WT1: variants seen among roughly 807,000 people sequenced by gnomAD.
WT1 encodes the protein Wilms tumor protein.
WT1 carries 8 observed loss-of-function variants against 60.8 expected under a neutral mutation model. The observed-to-expected ratio is 0.13, with a 90% CI of 0.08 to 0.24. The LOEUF (loss-of-function observed/expected upper bound fraction) is 0.24. Ranked by LOEUF, WT1 falls within the 10% of genes least tolerant of loss-of-function variation. The pLI is 1.00. For missense variants in WT1, 568 were observed against 711.8 expected (o/e 0.80, Z 2.30); for synonymous variants, 312 against 297.1 (o/e 1.05, Z -0.52).
rs2133036645 is a variant in WT1, at chr11:32,417,578, C to T, written c.964G>A (p.Gly322Arg). 6.2e-7 allele frequency: 1 copy of T among 1,613,586 alleles called. No homozygotes were observed. The change falls in exon 4 of 10, where the codon GGA (glycine) becomes AGA (arginine). Residue 322 changes from glycine to arginine, a missense_variant and splice_region_variant. By Grantham distance (125) the Gly-to-Arg change is moderately radical. This residue lies in a region of WT1 where 523 missense variants were observed against 565.1 expected (regional missense o/e 0.93). Coordinates refer to ENST00000452863, the MANE Select transcript of WT1 (RefSeq NM_024426.6). ...GCAATGGAATAGAGAAAACCTTACC[C>T]CTTTAAGGTGGCTCCTAAGTTCATC...
At chr11:32,410,825 C>A (rs1479221036) in intron 5 of WT1, among the ~76,000 whole-genome samples, 1 of 152,216 alleles carries the variant, frequency 6.6e-6, no homozygotes, top group African/African-American at 2.4e-5. Flanking sequence ...AAAACTCCTA[C>A]TAAAATATGC....
rs201252389 is a variant in WT1 at position 32,428,704 on chromosome 11, G to GC, written c.662-86_662-85insG. The GC allele has an allele frequency of 3.2e-6, 5 of 1,552,640 alleles. No homozygotes were observed. In the South Asian group the frequency reaches 3.5e-5, roughly 11 times the overall value. The stretch of plus-strand genomic sequence containing the variant: ...GGTCTGAACCAGCCACGGGCGGGGG[G>GC]GGTGTGCGCTGAACCCCGCATTCGG... On this transcript the variant is annotated intron_variant, in intron 1 of 9. Coordinates refer to ENST00000452863, the MANE Select transcript of WT1 (RefSeq NM_024426.6).
intron 1 of WT1, chr11:32,430,460 G>GACAGACAC: frequency 1.6e-6 from 1 of 631,182 alleles, no homozygotes; most frequent in Non-Finnish European, 2.2e-6. Flanking sequence ...GGGAGGGAGA[G>GACAGACAC]AGAGAGAGAG....
intron 1 of WT1, among the ~76,000 whole-genome samples, chr11:32,429,358 A>G (rs529535339): frequency 3.3e-5 from 5 of 151,778 alleles, no homozygotes; most frequent in South Asian, 4.2e-4. Flanking sequence ...CCCAGGCTGG[A>G]CAACCAATTT....
chr11:32,402,992 A>G (rs1297534197), intron 5 of WT1, among the ~76,000 whole-genome samples: 1 of 152,208 alleles, frequency 6.6e-6, no homozygotes, highest in African/African-American at 2.4e-5. Flanking sequence ...GGGCATGGGA[A>G]CAGACTTTCC....
intron 5 of WT1, among the ~76,000 whole-genome samples, chr11:32,406,702 G>A (rs1306638305): frequency 1.3e-5 from 2 of 152,174 alleles, no homozygotes; most frequent in East Asian, 1.9e-4. Flanking sequence ...GCACTTTGGC[G>A]CTTCACTTCT....
Position 32,434,711 on chromosome 11 carries a change from A to C in WT1, c.650T>G (p.Ile217Ser), listed in dbSNP as rs1853431800. 6.2e-7 allele frequency: 1 copy of C among 1,612,850 alleles called. No individual in the cohort carries two copies. The highest frequency in any genetic ancestry group is 8.5e-7 in the Non-Finnish European group (1 of 1,179,954). Residue 217 changes from isoleucine to serine, a missense_variant, in exon 1 of 10, where the codon ATT (isoleucine) becomes AGT (serine). This residue lies in a region of WT1 where 523 missense variants were observed against 565.1 expected (regional missense o/e 0.93). Coordinates refer to ENST00000452863, the MANE Select transcript of WT1 (RefSeq NM_024426.6). ...CCCGGCCTACTTACCCTGATTGCGA[A>C]TAGCGGGCTGGCTCTCGAGGCAGCT...
intron 1 of WT1, chr11:32,430,686 C>A: frequency 7.0e-7 from 1 of 1,425,384 alleles, no homozygotes. Context: ...GAACTCGGGC[C>A]CAAGGATGCC....
intron 7 of WT1, among the ~76,000 whole-genome samples, chr11:32,395,930 T>G (rs902478364): frequency 6.6e-6 from 1 of 152,132 alleles, no homozygotes; most frequent in Non-Finnish European, 1.5e-5. Flanking sequence ...ATGACTATAT[T>G]CCCAGGCCAG....
At chr11:32,415,654 A>G (rs917953050) in intron 5 of WT1, among the ~76,000 whole-genome samples, 2 of 152,218 alleles carry the variant, frequency 1.3e-5, no homozygotes, top group Non-Finnish European at 2.9e-5. Context: ...TCTCAAAAAG[A>G]AAAGAGAATG....
intron 9 of WT1, among the ~76,000 whole-genome samples, chr11:32,390,850 A>G (rs997650603): frequency 1.3e-5 from 2 of 152,232 alleles, no homozygotes; most frequent in African/African-American, 2.4e-5. Context: ...GTGGGCTGGA[A>G]GCAGACAGAA....
chr11:32,408,839 C>A (rs1323552507), intron 5 of WT1, among the ~76,000 whole-genome samples: 2 of 152,112 alleles, frequency 1.3e-5, no homozygotes, highest in East Asian at 3.9e-4. Flanking sequence ...TACAACAAAA[C>A]AATAAACCTC....
intron 1 of WT1, among the ~76,000 whole-genome samples, chr11:32,432,368 A>G (rs1332640246): frequency 3.3e-5 from 5 of 152,218 alleles, no homozygotes; most frequent in Admixed American, 3.3e-4. Context: ...CTGGGGAAGC[A>G]GCAGGAACCC....
chr11:32,402,590 G>A (rs561940248), intron 5 of WT1, among the ~76,000 whole-genome samples: 2 of 152,334 alleles, frequency 1.3e-5, no homozygotes, highest in East Asian at 3.9e-4. Context: ...CTATTGCCCA[G>A]GCTGGAATGT....
intron 5 of WT1, among the ~76,000 whole-genome samples, chr11:32,403,303 G>T (rs1852210938): frequency 6.6e-6 from 1 of 152,184 alleles, no homozygotes; most frequent in South Asian, 2.1e-4. Context: ...ACTGGCATCT[G>T]ATGTGGTAGC....
intron 5 of WT1, among the ~76,000 whole-genome samples, chr11:32,405,193 C>A (rs1232048243): frequency 6.6e-6 from 1 of 152,154 alleles, no homozygotes; most frequent in Admixed American, 6.6e-5. Flanking sequence ...ACCCTGGCCA[C>A]ATCACCCTCT....
At chr11:32,430,963 G>C in intron 1 of WT1, 2 of 676,740 alleles carry the variant, frequency 3.0e-6, no homozygotes, top group Non-Finnish European at 3.8e-6. Context: ...GCTGGAAGGA[G>C]CAGCGTGTTC....
chr11:32,422,886 A>C (rs957295306), intron 3 of WT1, among the ~76,000 whole-genome samples: 1 of 152,250 alleles, frequency 6.6e-6, no homozygotes, highest in Admixed American at 6.5e-5. Context: ...ATAAAAGAGC[A>C]AAAGGAAAGG....
Position 32,428,028 on chromosome 11 carries a change from A to G in WT1, c.815T>C (p.Val272Ala), listed in dbSNP as rs1298646630. 7 of 1,610,132 alleles carry G rather than the reference A, an allele frequency of 4.3e-6. No homozygotes were observed. The highest frequency in any genetic ancestry group is 5.9e-6 in the Non-Finnish European group (7 of 1,178,094). The change falls in exon 3 of 10, where the codon GTC (valine) becomes GCC (alanine). Residue 272 changes from valine to alanine, a missense_variant. Coordinates refer to ENST00000452863, the MANE Select transcript of WT1 (RefSeq NM_024426.6). Reference sequence around the variant, plus strand: ...GTCGGTGGGGGTGTGGCAGCCATAGACCGGGGGCGGCACCGAGTACTGCTG... The same window carrying G: ...GTCGGTGGGGGTGTGGCAGCCATAGGCCGGGGGCGGCACCGAGTACTGCTG...
Sources: allele counts gnomAD v4.1 joint callset (sites outside exome capture counted in the v4.1 genomes callset), GRCh38; gene constraint gnomAD v4.1.1; regional missense constraint gnomAD v4.1.1; transcripts MANE v1.5; gene names NCBI Gene and HGNC (gene_info 2026-07-23, HGNC 2026-07-21).